The following DENND1A variants were observed in gnomAD, a reference collection of about 807,000 sequenced individuals.
DENND1A encodes the protein DENN domain containing 1A.
A neutral mutation model predicts 113.7 loss-of-function variants in DENND1A; 51 were observed. The observed-to-expected ratio is 0.45, with a 90% confidence interval of 0.36 to 0.57. The LOEUF is 0.57. Ranked by LOEUF, DENND1A falls within the 20% of genes least tolerant of loss-of-function variation. The pLI is 0.00. For missense variants in DENND1A, 1,258 were observed against 1,395.9 expected, an observed-to-expected ratio of 0.90 and a Z score of 1.57; for synonymous variants, 565 against 570.8, an observed-to-expected ratio of 0.99 and a Z score of 0.14.
Position 123,382,044 on chromosome 9 carries a change from A to G in DENND1A, c.2601T>C (p.Asn867=). The change falls in exon 24 of 24, where the codon AAT becomes AAC. Residue 867 remains asparagine, a synonymous_variant. Transcript: ENST00000394215. ...ATTGGGGGGTGAATGGGGTGGCTAC[A>G]TTCGGGGTGGCGGGGCGTGACGGGA... The part of the protein sequence containing the change: ...STLPSRPATP[N]VATPFTPQFS... 1 of 1,354,362 alleles carries G rather than the reference A, an allele frequency of 7.4e-7. No homozygotes were observed. The highest frequency in any genetic ancestry group is 9.5e-7 in the Non-Finnish European group (1 of 1,050,700). 83.9% of individuals were successfully genotyped at this position (1,354,362 alleles called of 1,614,324 possible).
chr9:123,655,012 C>T (rs1203885746), intron 8 of DENND1A, among the ~76,000 whole-genome samples: 1 of 152,186 alleles, frequency 6.6e-6, no homozygotes, highest in African/African-American at 2.4e-5. Context: ...CTCAGGCCTG[C>T]CATGTCCTGA....
chr9:123,904,073 C>T (rs1852278974), intron 1 of DENND1A, among the ~76,000 whole-genome samples: 1 of 152,084 alleles, frequency 6.6e-6, no homozygotes, highest in Admixed American at 6.5e-5. Context: ...CCCTGACCCC[C>T]GAGCAGCCTA....
At chr9:123,906,317 C>T (rs1476886281) in intron 1 of DENND1A, among the ~76,000 whole-genome samples, 1 of 134,586 alleles carries the variant, frequency 7.4e-6, no homozygotes, top group Non-Finnish European at 1.5e-5. Context: ...CAAGAGCAAA[C>T]ACATTCAAAA....
At chr9:123,593,259 T>C (rs1200189137) in intron 11 of DENND1A, among the ~76,000 whole-genome samples, 1 of 152,204 alleles carries the variant, frequency 6.6e-6, no homozygotes, top group African/African-American at 2.4e-5. Context: ...AATGATTTAA[T>C]CCTAGCTGAA....
intron 9 of DENND1A, among the ~76,000 whole-genome samples, chr9:123,643,039 T>C (rs1589480505): frequency 6.6e-6 from 1 of 151,304 alleles, no homozygotes; most frequent in South Asian, 2.1e-4. Flanking sequence ...TCGGTGGGAG[T>C]GGTGGAACAG....
In DENND1A at chr9:123,887,105, A is replaced by T. The variant is rs546996822; in HGVS notation, c.18-8084T>A. 7.6e-4 allele frequency among the ~76,000 whole-genome samples: 116 copies of T among 152,328 alleles called. No individual in the cohort carries two copies. The Middle Eastern group carries it at 0.01, about 13-fold the overall frequency. ...TAAGTTGTCTCATATGCTGAGCTGC[A>T]GTGTAAAATCTAGGCTTTACCCATT... On this transcript the variant is annotated intron_variant, in intron 1 of 23. Coordinates refer to ENST00000394215, the MANE Select transcript of DENND1A (RefSeq NM_001352964.2).
intron 2 of DENND1A, among the ~76,000 whole-genome samples, chr9:123,831,551 T>C (rs933320453): frequency 4.6e-5 from 7 of 152,302 alleles, no homozygotes; most frequent in Middle Eastern, 6.8e-3. Flanking sequence ...GAACTTATTA[T>C]AAAGCTTCAA....
chr9:123,671,611 T>G (rs1216253861), intron 6 of DENND1A, among the ~76,000 whole-genome samples: 2 of 152,210 alleles, frequency 1.3e-5, no homozygotes, highest in Non-Finnish European at 1.5e-5. Flanking sequence ...ACACCTACCA[T>G]GACCGCCTTT....
chr9:123,468,366 G>A (rs571335613), intron 13 of DENND1A, among the ~76,000 whole-genome samples: 31 of 152,332 alleles, frequency 2.0e-4, no homozygotes, highest in Non-Finnish European at 4.3e-4. Context: ...CAGAGTCACA[G>A]ATTTTGAAAT....
At chr9:123,466,808 G>T (rs113298911) in intron 13 of DENND1A, among the ~76,000 whole-genome samples, 2,449 of 152,116 alleles carry the variant, frequency 0.016, 35 homozygotes, top group African/African-American at 0.035. Context: ...GCTGAGTGGG[G>T]AGGATCTCTT....
chr9:123,854,694 C>CAAAAAAAAAAAAAAAAAAA (rs5900588), intron 2 of DENND1A, among the ~76,000 whole-genome samples: 1 of 143,742 alleles, frequency 7.0e-6, no homozygotes, highest in African/African-American at 2.7e-5. Context: ...TACTCTGTCT[C>CAAAAAAAAAAAAAAAAAAA]AAAAAAAAAA....
intron 5 of DENND1A, among the ~76,000 whole-genome samples, chr9:123,721,426 C>G (rs1030188677): frequency 6.6e-6 from 1 of 152,234 alleles, no homozygotes; most frequent in African/African-American, 2.4e-5. Flanking sequence ...TCTCCCATTC[C>G]TGTCCCACCT....
At chr9:123,560,512 T>A (rs1399087971) in intron 12 of DENND1A, among the ~76,000 whole-genome samples, 1 of 151,786 alleles carries the variant, frequency 6.6e-6, no homozygotes, top group East Asian at 1.9e-4. Flanking sequence ...CACAGTGAGA[T>A]CCCATCTCTA....
chr9:123,506,060 A>G (rs2052905555), intron 13 of DENND1A, among the ~76,000 whole-genome samples: 1 of 152,116 alleles, frequency 6.6e-6, no homozygotes, highest in South Asian at 2.1e-4. Flanking sequence ...CCCACACAGT[A>G]TGGTGATTAA....
intron 2 of DENND1A, among the ~76,000 whole-genome samples, chr9:123,831,496 C>T (rs180955249): frequency 6.6e-6 from 1 of 152,016 alleles, no homozygotes; most frequent in East Asian, 1.9e-4. Context: ...CAAGAAAAAA[C>T]TTTTAACAAT....
At chr9:123,904,831 C>T (rs552860298) in intron 1 of DENND1A, among the ~76,000 whole-genome samples, 28 of 152,048 alleles carry the variant, frequency 1.8e-4, no homozygotes, top group African/African-American at 5.3e-4. Context: ...GGCAGGCCAA[C>T]GTTCAGATTC....
chr9:123,811,179 T>C (rs974588987), intron 2 of DENND1A, among the ~76,000 whole-genome samples: 5 of 152,180 alleles, frequency 3.3e-5, no homozygotes, highest in Non-Finnish European at 5.9e-5. Flanking sequence ...AATGATGGAA[T>C]GCCAGATCCA....
At chr9:123,657,760 A>AT (rs534238086) in intron 8 of DENND1A, among the ~76,000 whole-genome samples, 191 of 145,480 alleles carry the variant, frequency 1.3e-3, no homozygotes, top group Admixed American at 2.4e-3. Context: ...CCCTCAACTG[A>AT]TTTTTTTTTT....
intron 1 of DENND1A, among the ~76,000 whole-genome samples, chr9:123,905,654 T>A (rs1239257631): frequency 6.7e-5 from 10 of 150,334 alleles, no homozygotes; most frequent in Non-Finnish European, 1.2e-4. Context: ...CAAGAAGAGC[T>A]AACTATCCTA....
Sources: gnomAD v4.1 joint callset for allele counts (sites outside exome capture counted in the v4.1 genomes callset) on GRCh38, gnomAD v4.1.1 for gene constraint, MANE v1.5 for transcripts, NCBI Gene and HGNC (gene_info 2026-07-23, HGNC 2026-07-21) for gene names.